Variants in DCC observed in about 807,000 individuals in gnomAD.
The protein encoded by DCC is DCC netrin 1 receptor, also known as netrin receptor DCC.
A neutral mutation model predicts 172.5 loss-of-function variants in DCC; 58 were observed. The observed-to-expected ratio is 0.34, with a 90% CI of 0.27 to 0.42. DCC has a LOEUF of 0.42. Ranked by LOEUF, DCC falls within the 10% of genes least tolerant of loss-of-function variation. The pLI is 1.00. For synonymous variants in DCC, 709 were observed against 644.5 expected (o/e 1.10, Z -1.52); for missense variants, 1,740 against 1,791.0 (o/e 0.97, Z 0.51).
At chr18:53,179,220 A>AAAAAAACTCTTCTTC in intron 9 of DCC, 104 bp downstream of exon 9, 1 of 1,196,928 alleles carries the variant, frequency 8.4e-7, no homozygotes, top group Non-Finnish European at 1.2e-6. Flanking sequence ...AAAGCGAAGA[A>AAAAAAACTCTTCTTC]GAGTTTTTTT....
chr18:53,181,816 G>T (rs2055202712), intron 9 of DCC, among the ~76,000 whole-genome samples: 1 of 152,120 alleles, frequency 6.6e-6, no homozygotes, highest in Non-Finnish European at 1.5e-5. Context: ...TCGAGTAGGG[G>T]AACTTATAAG....
intron 7 of DCC, among the ~76,000 whole-genome samples, chr18:53,117,898 A>AT (rs756039432): frequency 8.6e-5 from 13 of 151,608 alleles, no homozygotes; most frequent in Admixed American, 2.0e-4. Flanking sequence ...TCTTCCTTTG[A>AT]TTTTTCCCCC....
At chr18:52,381,846 C>G (rs1241467731) in intron 1 of DCC, among the ~76,000 whole-genome samples, 1 of 152,082 alleles carries the variant, frequency 6.6e-6, no homozygotes, top group South Asian at 2.1e-4. Context: ...TTAGCATATT[C>G]CACCCCAAAT....
intron 12 of DCC, among the ~76,000 whole-genome samples, chr18:53,217,763 G>A (rs1021049446): frequency 1.3e-5 from 2 of 151,964 alleles, no homozygotes; most frequent in South Asian, 2.1e-4. Context: ...ATTTCAAGGG[G>A]CAAACTGTAT....
chr18:52,435,550 T>C (rs1248258166), intron 1 of DCC, among the ~76,000 whole-genome samples: 1 of 152,208 alleles, frequency 6.6e-6, no homozygotes. Flanking sequence ...CACCCAGCTC[T>C]GACTGGTTTC....
intron 17 of DCC, among the ~76,000 whole-genome samples, chr18:53,392,224 TC>T (rs1379645272): frequency 6.6e-6 from 1 of 151,866 alleles, no homozygotes; most frequent in Admixed American, 6.6e-5. Flanking sequence ...GATTTTGGTA[TC>T]TTTTTTTTTT....
At position 53,384,878 on chromosome 18, in the gene DCC, C is replaced by T. The variant is rs528757069; in HGVS notation, c.2360-1165C>T. Among the ~76,000 whole-genome samples the T allele has an allele frequency of 2.6e-5, 4 of 151,354 alleles. No individual in the cohort carries two copies. The East Asian group carries it at 5.9e-4, about 22-fold the overall frequency. ...TTTTCTTTTTTTTGAGGCAGAGTCT[C>T]GCTGTGTCGCGCAGGATGGAGTGCA... On this transcript the variant is annotated intron_variant, in intron 15 of 28. Transcript: ENST00000442544.
chr18:53,157,996 A>G (rs2144399065), intron 8 of DCC, among the ~76,000 whole-genome samples: 1 of 152,196 alleles, frequency 6.6e-6, no homozygotes, highest in East Asian at 1.9e-4. Flanking sequence ...TTGTAATGCA[A>G]AAGACAAATG....
chr18:52,868,472 C>T (rs2039264288), intron 2 of DCC, among the ~76,000 whole-genome samples: 1 of 152,136 alleles, frequency 6.6e-6, no homozygotes, highest in African/African-American at 2.4e-5. Flanking sequence ...ACTAATGAAA[C>T]CGCTGTTGCA....
At chr18:53,130,290 G>T (rs907879507) in intron 7 of DCC, among the ~76,000 whole-genome samples, 1 of 152,086 alleles carries the variant, frequency 6.6e-6, no homozygotes, top group Non-Finnish European at 1.5e-5. Context: ...GCTTTTTAAA[G>T]TCTTTACTCT....
intron 1 of DCC, among the ~76,000 whole-genome samples, chr18:52,654,306 C>T (rs950220064): frequency 2.6e-5 from 4 of 152,082 alleles, no homozygotes; most frequent in South Asian, 2.1e-4. Context: ...GCTTAGTGAT[C>T]GCTGGAACCA....
intron 22 of DCC, among the ~76,000 whole-genome samples, chr18:53,437,032 C>T (rs1277330546): frequency 6.6e-6 from 1 of 152,156 alleles, no homozygotes; most frequent in Non-Finnish European, 1.5e-5. Context: ...CTCCCAAAGC[C>T]TCCACCTCTT....
intron 22 of DCC, among the ~76,000 whole-genome samples, chr18:53,442,239 C>CT (rs1439705570): frequency 6.6e-6 from 1 of 152,236 alleles, no homozygotes; most frequent in African/African-American, 2.4e-5. Context: ...AAAGCTTGTG[C>CT]TAACCCTGCA....
intron 2 of DCC, among the ~76,000 whole-genome samples, chr18:52,770,752 A>G (rs796242933): frequency 2.0e-5 from 3 of 152,346 alleles, no homozygotes; most frequent in African/African-American, 7.2e-5. Flanking sequence ...ATCAGTGTAC[A>G]GGGAAAACCT....
intron 1 of DCC, among the ~76,000 whole-genome samples, chr18:52,700,637 A>T (rs1026277793): frequency 6.6e-6 from 1 of 152,218 alleles, no homozygotes; most frequent in Non-Finnish European, 1.5e-5. Flanking sequence ...GCAAGAATAT[A>T]AGCTTGCTTC....
At chr18:53,449,156 T>C (rs2045374421) in intron 22 of DCC, among the ~76,000 whole-genome samples, 1 of 152,234 alleles carries the variant, frequency 6.6e-6, no homozygotes, top group African/African-American at 2.4e-5. Flanking sequence ...TAATCAAATT[T>C]AGGTATAGGA....
chr18:53,316,469 GT>G lies in DCC; in HGVS notation c.2054-5567del, dbSNP rs200779485. ...TTGAAACCATATGAAATTTAAAGAAGTTTTTTTTTTTCTAATTCTGTGAAGA... is the reference window on the plus strand; with the variant it reads ...TTGAAACCATATGAAATTTAAAGAAGTTTTTTTTTTCTAATTCTGTGAAGA... On this transcript the variant is annotated intron_variant, in intron 13 of 28. Transcript: ENST00000442544. 1.8e-3 allele frequency among the ~76,000 whole-genome samples: 274 copies of G among 148,796 alleles called. 5 individuals are homozygous for G. In the East Asian group the frequency reaches 0.035, roughly 19 times the overall value.
At chr18:52,870,900 C>T (rs544414624) in intron 2 of DCC, among the ~76,000 whole-genome samples, 33 of 152,092 alleles carry the variant, frequency 2.2e-4, no homozygotes, top group African/African-American at 6.8e-4. Context: ...CACTTAGGCT[C>T]GCTCTTTACT....
At chr18:53,221,748 T>G (rs1598919488) in intron 12 of DCC, among the ~76,000 whole-genome samples, 1 of 152,206 alleles carries the variant, frequency 6.6e-6, no homozygotes, top group East Asian at 1.9e-4. Flanking sequence ...TTTCCATTTT[T>G]AGATCCCCTT....
Sources: gnomAD v4.1 joint callset for allele counts (sites outside exome capture counted in the v4.1 genomes callset) on GRCh38, gnomAD v4.1.1 for gene constraint, MANE v1.5 for transcripts, NCBI Gene and HGNC (gene_info 2026-07-23, HGNC 2026-07-21) for gene names.